The following UTRN variants were observed in gnomAD, a reference collection of about 807,000 sequenced individuals.
UTRN encodes utrophin.
In UTRN, 283 loss-of-function variants were observed where a neutral mutation model predicts 463.9. The observed-to-expected ratio is 0.61, with a 90% CI of 0.55 to 0.67. UTRN has a LOEUF of 0.67. Among genes scored for constraint, UTRN ranks in the 30% least tolerant of loss-of-function variants. UTRN has a pLI of 0.00. For missense variants in UTRN, 3,922 were observed against 4,084.3 expected (o/e 0.96, Z 1.08); for synonymous variants, 1,442 against 1,431.5 (o/e 1.01, Z -0.17).
intron 74 of UTRN, among the ~76,000 whole-genome samples, chr6:144,850,142 A>G (rs1782363483): frequency 6.6e-6 from 1 of 152,194 alleles, no homozygotes; most frequent in African/African-American, 2.4e-5. Context: ...GAAGAATCCA[A>G]ATTTGAATAG....
chr6:144,592,620 C>T (rs1384469343), intron 51 of UTRN, among the ~76,000 whole-genome samples: 1 of 152,200 alleles, frequency 6.6e-6, no homozygotes, highest in African/African-American at 2.4e-5. Context: ...CCCCCTGCCT[C>T]AGCCTCCTAA....
intron 51 of UTRN, among the ~76,000 whole-genome samples, chr6:144,645,893 A>G (rs960482709): frequency 7.9e-5 from 12 of 152,174 alleles, no homozygotes; most frequent in African/African-American, 2.7e-4. Context: ...TTATGTCAAA[A>G]TGGTATTCAG....
chr6:144,352,859 A>G (rs993192353), intron 2 of UTRN, among the ~76,000 whole-genome samples: 2 of 152,152 alleles, frequency 1.3e-5, no homozygotes, highest in Non-Finnish European at 1.5e-5. Flanking sequence ...TTTTTATCAT[A>G]TTGGGTTTGT....
chr6:144,813,409 G>A (rs1445089033), intron 65 of UTRN, among the ~76,000 whole-genome samples: 1 of 151,962 alleles, frequency 6.6e-6, no homozygotes, highest in Non-Finnish European at 1.5e-5. Context: ...GGATGATCTC[G>A]ATCTCCTGAC....
At chr6:144,708,922 G>A (rs1785368958) in intron 53 of UTRN, among the ~76,000 whole-genome samples, 1 of 152,160 alleles carries the variant, frequency 6.6e-6, no homozygotes, top group Admixed American at 6.5e-5. Context: ...AAGCACAAAG[G>A]CAAGAGAGCG....
intron 59 of UTRN, 69 bp downstream of exon 59, chr6:144,772,037 T>TTTTGA: frequency 1.8e-6 from 2 of 1,089,836 alleles, no homozygotes; most frequent in African/African-American, 2.2e-5. Flanking sequence ...TTTTTTTTTT[T>TTTTGA]TTTTTTTTTT....
intron 51 of UTRN, among the ~76,000 whole-genome samples, chr6:144,622,171 ATTTTTTTTTGTTGTTTT>A (rs1003493525): frequency 5.5e-5 from 5 of 90,662 alleles, no homozygotes; most frequent in African/African-American, 1.7e-4. Context: ...GATGGTATCC[ATTTTTTTTTGTTGTTTT>A]TTTTTTTTTT....
chr6:144,409,169 G>C (rs897052267), intron 3 of UTRN, among the ~76,000 whole-genome samples: 1 of 152,086 alleles, frequency 6.6e-6, no homozygotes, highest in South Asian at 2.1e-4. Flanking sequence ...TGCAAGCTTT[G>C]TTGTTGTTGC....
rs1318238708 is a variant in UTRN, at chr6:144,438,881, C to G, written c.1378C>G (p.Leu460Val). Residue 460 changes from leucine to valine, a missense_variant, in exon 12 of 75, where the codon CTA becomes GTA. Around this residue, in one of 3 missense-constraint regions of UTRN, gnomAD observed 2,349 missense variants for 2,303.8 expected, o/e 1.02. Coordinates refer to ENST00000367545, the MANE Select transcript of UTRN (RefSeq NM_007124.3). ...TGATGTAAAATCTCTACAAAAGCTGCTAGAAGAACATAAAGTAAATCTGTC... is the reference window on the plus strand; with the variant it reads ...TGATGTAAAATCTCTACAAAAGCTGGTAGAAGAACATAAAGTAAATCTGTC... ...DDDVKSLQKL[L>V]EEHKSLQSDL... 6.2e-7 allele frequency: 1 copy of G among 1,614,144 alleles called. No individual in the cohort carries two copies.
intron 53 of UTRN, among the ~76,000 whole-genome samples, chr6:144,718,864 C>T (rs913335033): frequency 6.6e-6 from 1 of 152,144 alleles, no homozygotes; most frequent in Non-Finnish European, 1.5e-5. Flanking sequence ...TGCTGGATCC[C>T]CGTGAGGGAA....
At chr6:144,386,923 A>AT (rs1199561104) in intron 2 of UTRN, among the ~76,000 whole-genome samples, 7 of 152,190 alleles carry the variant, frequency 4.6e-5, no homozygotes, top group Non-Finnish European at 7.4e-5. Context: ...GAAATACTCC[A>AT]TTTTTTCTTA....
intron 34 of UTRN, among the ~76,000 whole-genome samples, chr6:144,499,806 C>T (rs2128584106): frequency 6.6e-6 from 1 of 152,182 alleles, no homozygotes; most frequent in East Asian, 1.9e-4. Context: ...TTTATCGTTC[C>T]CTTCTTTATG....
intron 9 of UTRN, among the ~76,000 whole-genome samples, chr6:144,431,975 C>A (rs1341955040): frequency 6.6e-6 from 1 of 152,090 alleles, no homozygotes; most frequent in Non-Finnish European, 1.5e-5. Context: ...CCTTCATACT[C>A]ATTTTTATTT....
At chr6:144,584,502 A>G (rs1053778208) in intron 51 of UTRN, among the ~76,000 whole-genome samples, 1 of 152,142 alleles carries the variant, frequency 6.6e-6, no homozygotes, top group Non-Finnish European at 1.5e-5. Context: ...GATCAAAACA[A>G]CTGCCTCTAA....
At chr6:144,632,247 T>A (rs760878710) in intron 51 of UTRN, among the ~76,000 whole-genome samples, 1 of 152,204 alleles carries the variant, frequency 6.6e-6, no homozygotes, top group East Asian at 1.9e-4. Context: ...GTTATTCATA[T>A]TGTCTATATT....
At chr6:144,591,420 T>C (rs1335221088) in intron 51 of UTRN, among the ~76,000 whole-genome samples, 8 of 152,194 alleles carry the variant, frequency 5.3e-5, no homozygotes, top group Non-Finnish European at 1.2e-4. Context: ...TGTAGGATGC[T>C]CCTCAATTTA....
chr6:144,517,075 T>TAACACACACTAGAAAG, intron 39 of UTRN, 127 bp downstream of exon 39: 2 of 798,696 alleles, frequency 2.5e-6, no homozygotes, highest in Non-Finnish European at 3.5e-6. Context: ...TCCTTTCTAG[T>TAACACACACTAGAAAG]GTGTGTTACT....
intron 51 of UTRN, among the ~76,000 whole-genome samples, chr6:144,602,610 G>C (rs1804376555): frequency 6.6e-6 from 1 of 152,174 alleles, no homozygotes; most frequent in Non-Finnish European, 1.5e-5. Context: ...GTCTGTCATA[G>C]TGGTGGGAGT....
At chr6:144,385,444 C>A (rs184074504) in intron 2 of UTRN, among the ~76,000 whole-genome samples, 1 of 152,306 alleles carries the variant, frequency 6.6e-6, no homozygotes, top group East Asian at 1.9e-4. Context: ...GACATACTTA[C>A]CAGCTATAAG....
Sources: gnomAD v4.1 joint callset for allele counts (sites outside exome capture counted in the v4.1 genomes callset) on GRCh38, gnomAD v4.1.1 for gene constraint, gnomAD v4.1.1 regional missense constraint, MANE v1.5 for transcripts, NCBI Gene and HGNC (gene_info 2026-07-23, HGNC 2026-07-21) for gene names.